PRRX1: variants seen among roughly 807,000 people sequenced by gnomAD.
PRRX1 encodes paired mesoderm homeobox protein 1.
PRRX1 carries 8 observed loss-of-function variants against 24.0 expected under a neutral mutation model. The ratio of observed to expected loss-of-function variants is 0.33; its 90% confidence interval spans 0.20 to 0.60. PRRX1 has a LOEUF of 0.60. Among genes scored for constraint, PRRX1 ranks in the 20% least tolerant of loss-of-function variants. The pLI is 0.82. For synonymous variants in PRRX1, 160 were observed against 131.7 expected, an observed-to-expected ratio of 1.22 and a Z score of -1.47; for missense variants, 281 against 322.4, an observed-to-expected ratio of 0.87 and a Z score of 0.98.
intron 1 of PRRX1, among the ~76,000 whole-genome samples, chr1:170,696,397 C>T (rs753466451): frequency 6.6e-6 from 1 of 152,094 alleles, no homozygotes; most frequent in Non-Finnish European, 1.5e-5. Flanking sequence ...GAATGTGCCA[C>T]AGTATTCCAA....
chr1:170,726,398 A>G lies in PRRX1; in HGVS notation c.596A>G (p.Tyr199Cys). The change falls in exon 3 of 4, where the codon TAC becomes TGC. Residue 199 changes from tyrosine to cysteine, a missense_variant. Transcript: ENST00000239461. The stretch of plus-strand genomic sequence containing the variant: ...CTCTCCTGGGGGACAGCGTCTCCGT[A>G]CAGGTGAATGACTGGCCCACTCTCC... The part of the protein sequence containing the change: ...DYLSWGTASP[Y>C]SAMATYSATC... 6.2e-7 allele frequency: 1 copy of G among 1,613,832 alleles called. No homozygotes were observed. Among genetic ancestry groups the G allele is most frequent in the Non-Finnish European group, 8.5e-7 (1 of 1,179,782 alleles).
At chr1:170,717,355 G>A (rs894318405) in intron 1 of PRRX1, among the ~76,000 whole-genome samples, 2 of 152,226 alleles carry the variant, frequency 1.3e-5, no homozygotes, top group African/African-American at 2.4e-5. Context: ...TTATGTAGCA[G>A]GTTGTAATAC....
chr1:170,701,401 T>C (rs962499558), intron 1 of PRRX1, among the ~76,000 whole-genome samples: 3 of 152,184 alleles, frequency 2.0e-5, no homozygotes, highest in African/African-American at 7.2e-5. Context: ...ACATAGGAAC[T>C]CTGAATTGTG....
At chr1:170,664,742 T>C (rs746407618) in intron 1 of PRRX1, among the ~76,000 whole-genome samples, 1 of 152,220 alleles carries the variant, frequency 6.6e-6, no homozygotes, top group South Asian at 2.1e-4. Context: ...CGGCGGACTC[T>C]CTTTACTTCG....
Position 170,666,873 on chromosome 1 carries a change from G to A in PRRX1, c.241+2414G>A, listed in dbSNP as rs117874001. ...GGGCTGGCCAGAGGAAGCTAGCTAT[G>A]GAGCGCCCCCGAGCAGATTCGGAGG... On this transcript the variant is annotated intron_variant, in intron 1 of 3. Coordinates refer to ENST00000239461, the MANE Select transcript of PRRX1 (RefSeq NM_022716.4). 4.2e-3 allele frequency among the ~76,000 whole-genome samples: 632 copies of A among 152,196 alleles called. 14 individuals carry two copies. In the East Asian group the frequency reaches 0.05, roughly 12 times the overall value.
intron 1 of PRRX1, among the ~76,000 whole-genome samples, chr1:170,714,038 G>A (rs991994443): frequency 2.0e-5 from 3 of 152,176 alleles, no homozygotes; most frequent in African/African-American, 7.2e-5. Context: ...TTTGGTCATT[G>A]TGATGCACTA....
At chr1:170,681,494 CA>C (rs35891147) in intron 1 of PRRX1, among the ~76,000 whole-genome samples, 145 of 143,806 alleles carry the variant, frequency 1.0e-3, no homozygotes, top group East Asian at 4.9e-3. Flanking sequence ...GTTATCTTTG[CA>C]AAAAAAAAAA....
chr1:170,692,579 G>T, intron 1 of PRRX1, among the ~76,000 whole-genome samples: 1 of 142,302 alleles, frequency 7.0e-6, no homozygotes, highest in African/African-American at 2.6e-5. Flanking sequence ...AACCAGGTCT[G>T]TTCTAGTTGA....
intron 3 of PRRX1, among the ~76,000 whole-genome samples, chr1:170,733,835 T>C (rs1269021908): frequency 1.3e-5 from 2 of 152,120 alleles, no homozygotes; most frequent in Non-Finnish European, 2.9e-5. Flanking sequence ...TTTACATACA[T>C]TTATGGTAAG....
At chr1:170,729,754 T>A (rs1302782298) in intron 3 of PRRX1, among the ~76,000 whole-genome samples, 2 of 152,184 alleles carry the variant, frequency 1.3e-5, no homozygotes, top group Non-Finnish European at 2.9e-5. Context: ...GACAAAGCAT[T>A]CCCTATCACG....
chr1:170,712,848 T>A (rs1018652804), intron 1 of PRRX1, among the ~76,000 whole-genome samples: 5 of 152,198 alleles, frequency 3.3e-5, no homozygotes, highest in African/African-American at 1.2e-4. Context: ...CACTTCCAAC[T>A]ATGCTTCCAT....
intron 1 of PRRX1, among the ~76,000 whole-genome samples, chr1:170,681,644 T>C (rs1166309117): frequency 6.6e-6 from 1 of 152,210 alleles, no homozygotes; most frequent in African/African-American, 2.4e-5. Flanking sequence ...AGAGCTTTCC[T>C]GAAGGTGAGG....
chr1:170,732,661 T>A (rs1272173259), intron 3 of PRRX1, among the ~76,000 whole-genome samples: 1 of 152,222 alleles, frequency 6.6e-6, no homozygotes, highest in African/African-American at 2.4e-5. Context: ...TTACATATTC[T>A]AAACATTTGT....
At chr1:170,670,809 G>T (rs541830785) in intron 1 of PRRX1, among the ~76,000 whole-genome samples, 144 of 152,252 alleles carry the variant, frequency 9.5e-4, no homozygotes, top group African/African-American at 3.4e-3. Flanking sequence ...AAACATGTCA[G>T]AATAAATCAA....
intron 3 of PRRX1, among the ~76,000 whole-genome samples, chr1:170,733,630 T>TGGA (rs1655513511): frequency 6.6e-6 from 1 of 152,160 alleles, no homozygotes; most frequent in African/African-American, 2.4e-5. Context: ...GTGTTTACAA[T>TGGA]TTCACTAATT....
chr1:170,664,064 C>G, upstream of PRRX1: 1 of 727,102 alleles, frequency 1.4e-6, no homozygotes, highest in Non-Finnish European at 2.1e-6. Context: ...TTTTGGCCTT[C>G]CTCTCCTTCC....
intron 1 of PRRX1, among the ~76,000 whole-genome samples, chr1:170,682,069 A>G (rs1337701355): frequency 6.6e-6 from 1 of 152,166 alleles, no homozygotes; most frequent in African/African-American, 2.4e-5. Flanking sequence ...GATGGGTGAT[A>G]CAGTTGAACT....
At chr1:170,682,112 T>C (rs894763786) in intron 1 of PRRX1, among the ~76,000 whole-genome samples, 3 of 152,150 alleles carry the variant, frequency 2.0e-5, no homozygotes, top group Non-Finnish European at 2.9e-5. Context: ...GTATGTTGCA[T>C]CCTGGAAGAA....
At chr1:170,729,838 C>A (rs1299383613) in intron 3 of PRRX1, among the ~76,000 whole-genome samples, 1 of 152,176 alleles carries the variant, frequency 6.6e-6, no homozygotes, top group African/African-American at 2.4e-5. Context: ...GGCACACACA[C>A]CCATTGCTTA....
Sources: gnomAD v4.1 joint callset for allele counts (sites outside exome capture counted in the v4.1 genomes callset) on GRCh38, gnomAD v4.1.1 for gene constraint, MANE v1.5 for transcripts, NCBI Gene and HGNC (gene_info 2026-07-23, HGNC 2026-07-21) for gene names.